RANBP2: variants seen among roughly 807,000 people sequenced by gnomAD.
The protein encoded by RANBP2 is RAN binding protein 2.
RANBP2 carries 57 observed loss-of-function variants against 303.6 expected under a neutral mutation model. The ratio of observed to expected loss-of-function variants is 0.19; its 90% CI spans 0.15 to 0.23. The LOEUF is 0.23. Among genes scored for constraint, RANBP2 ranks in the 10% least tolerant of loss-of-function variants. The pLI, the probability that RANBP2 is intolerant of heterozygous loss-of-function variation, is 1.00. For synonymous variants in RANBP2, 1,167 were observed against 1,301.5 expected (o/e 0.90, Z 2.23); for missense variants, 3,138 against 3,780.8 (o/e 0.83, Z 4.46).
the RANBP2 span, among the ~76,000 whole-genome samples, chr2:108,812,302 G>A: frequency 1.3e-5 from 2 of 151,840 alleles, no homozygotes; most frequent in African/African-American, 2.4e-5. Flanking sequence ...TGCATACTTA[G>A]GATTTTATAC....
the RANBP2 span, among the ~76,000 whole-genome samples, chr2:109,181,927 C>T: frequency 0.82 from 124,601 of 152,126 alleles, 51,159 homozygotes; most frequent in East Asian, 0.89. Flanking sequence ...AGTTATATTG[C>T]CATGGCTGTA....
chr2:108,827,584 A>G, the RANBP2 span, among the ~76,000 whole-genome samples: 2 of 151,082 alleles, frequency 1.3e-5, no homozygotes, highest in East Asian at 3.9e-4. Flanking sequence ...TGGGAGGCCA[A>G]GGTGGGCGGA....
intron 1 of RANBP2, among the ~76,000 whole-genome samples, chr2:108,726,118 A>G (rs1432495741): frequency 2.6e-5 from 4 of 152,200 alleles, no homozygotes; most frequent in Non-Finnish European, 5.9e-5. Context: ...GATTATATAA[A>G]TAAACATTTC....
the RANBP2 span, among the ~76,000 whole-genome samples, chr2:109,619,336 TA>T: frequency 1.3e-5 from 2 of 151,636 alleles, no homozygotes; most frequent in Non-Finnish European, 3.0e-5. Context: ...CACCACTACC[TA>T]AAAAAAAGCT....
chr2:108,843,886 C>T, the RANBP2 span, among the ~76,000 whole-genome samples: 266 of 93,750 alleles, frequency 2.8e-3, 9 homozygotes, highest in Middle Eastern at 6.9e-3. Context: ...GTGTTTCTTT[C>T]TTTTTTTTTT....
the RANBP2 span, among the ~76,000 whole-genome samples, chr2:109,725,994 A>G: frequency 2.7e-5 from 4 of 150,058 alleles, no homozygotes; most frequent in Admixed American, 6.6e-5. Context: ...TGGCCTCCCA[A>G]AGTGCTGGGA....
chr2:109,631,717 T>C, the RANBP2 span, among the ~76,000 whole-genome samples: 3 of 151,968 alleles, frequency 2.0e-5, no homozygotes, highest in South Asian at 2.1e-4. Flanking sequence ...GATTGCGCCA[T>C]TGCACTCCAG....
At chr2:108,981,398 C>T in the RANBP2 span, among the ~76,000 whole-genome samples, 6 of 152,284 alleles carry the variant, frequency 3.9e-5, no homozygotes, top group East Asian at 5.8e-4. Flanking sequence ...AGTTGTCTGG[C>T]GCGTCTTAGG....
intron 1 of RANBP2, among the ~76,000 whole-genome samples, chr2:108,720,669 G>A (rs1694163191): frequency 1.3e-5 from 2 of 152,164 alleles, no homozygotes; most frequent in South Asian, 4.1e-4. Context: ...GAATTTGATA[G>A]GATGATCCAT....
At chr2:108,750,001 T>G (rs1675733290) in intron 9 of RANBP2, among the ~76,000 whole-genome samples, 1 of 152,128 alleles carries the variant, frequency 6.6e-6, no homozygotes, top group Admixed American at 6.5e-5. Context: ...AATACAAAAA[T>G]TATCCGGGGG....
chr2:109,334,718 C>T, the RANBP2 span, among the ~76,000 whole-genome samples: 3 of 152,212 alleles, frequency 2.0e-5, no homozygotes, highest in Non-Finnish European at 4.4e-5. Context: ...CAATATGCCT[C>T]TTCAACTCAT....
chr2:108,887,212 G>A, the RANBP2 span, among the ~76,000 whole-genome samples: 3 of 152,026 alleles, frequency 2.0e-5, no homozygotes, highest in African/African-American at 7.2e-5. Flanking sequence ...CTTATTTCTG[G>A]TTTCTTTATT....
the RANBP2 span, chr2:109,615,029 A>G: frequency 6.5e-7 from 1 of 1,547,644 alleles, no homozygotes; most frequent in African/African-American, 1.4e-5. Flanking sequence ...AGCTCCCGCC[A>G]CATGGCTGCG....
the RANBP2 span, among the ~76,000 whole-genome samples, chr2:109,563,192 A>G: frequency 6.6e-6 from 1 of 152,176 alleles, no homozygotes; most frequent in Non-Finnish European, 1.5e-5. Context: ...ATTACAGGCC[A>G]TGAACCACCA....
At chr2:108,770,842 C>CTG (rs1424347915) in intron 20 of RANBP2, among the ~76,000 whole-genome samples, 1 of 152,092 alleles carries the variant, frequency 6.6e-6, no homozygotes, top group Non-Finnish European at 1.5e-5. Flanking sequence ...TTTACACTTA[C>CTG]TGTTAGCACG....
At chr2:109,702,725 G>T in the RANBP2 span, among the ~76,000 whole-genome samples, 2,010 of 152,136 alleles carry the variant, frequency 0.013, 26 homozygotes, top group South Asian at 0.047. Context: ...TTTTGAAAGT[G>T]CTAGGCTGAC....
At chr2:109,574,894 ATTAACT>A in the RANBP2 span, 6 of 550,976 alleles carry the variant, frequency 1.1e-5, no homozygotes, top group African/African-American at 5.9e-5. Flanking sequence ...TGCTGAACAG[ATTAACT>A]TTAGTGATAA....
the RANBP2 span, among the ~76,000 whole-genome samples, chr2:109,229,886 G>A: frequency 6.8e-6 from 1 of 148,062 alleles, no homozygotes; most frequent in East Asian, 2.0e-4. Flanking sequence ...GTGCAGTGGC[G>A]CAATCTTGGC....
At chr2:109,140,386 CT>C in the RANBP2 span, among the ~76,000 whole-genome samples, 85 of 144,728 alleles carry the variant, frequency 5.9e-4, no homozygotes, top group Admixed American at 7.6e-4. Context: ...AATTTCTTGC[CT>C]TTTTTTTTTT....
Sources: allele counts gnomAD v4.1 joint callset (sites outside exome capture counted in the v4.1 genomes callset), GRCh38; gene constraint gnomAD v4.1.1; transcripts MANE v1.5; gene names NCBI Gene and HGNC (gene_info 2026-07-23, HGNC 2026-07-21).